Variants in BTF3L4 observed in about 807,000 individuals in gnomAD.
The protein encoded by BTF3L4 is transcription factor BTF3 homolog 4.
BTF3L4 carries 6 observed loss-of-function variants against 16.8 expected under a neutral mutation model. That is an observed-to-expected ratio of 0.36 (90% CI 0.20 to 0.71). BTF3L4 has a LOEUF of 0.71. Ranked by LOEUF, BTF3L4 falls within the 30% of genes least tolerant of loss-of-function variation. The pLI is 0.58. For missense variants in BTF3L4, 92 were observed against 186.9 expected, an observed-to-expected ratio of 0.49 and a Z score of 2.96; for synonymous variants, 39 against 59.8, an observed-to-expected ratio of 0.65 and a Z score of 1.60.
At chr1:52,070,072 C>T (rs967413923) in intron 3 of BTF3L4, among the ~76,000 whole-genome samples, 2 of 152,046 alleles carry the variant, frequency 1.3e-5, no homozygotes. Flanking sequence ...CAGAAATTAG[C>T]TGAGTGTGGT....
intron 2 of BTF3L4, among the ~76,000 whole-genome samples, chr1:52,063,629 A>T (rs1296154700): frequency 6.6e-6 from 1 of 152,240 alleles, no homozygotes; most frequent in Admixed American, 6.5e-5. Context: ...TGATCCAGGA[A>T]TCCATTATTT....
intron 2 of BTF3L4, chr1:52,060,426 A>C: frequency 2.4e-6 from 3 of 1,252,386 alleles, no homozygotes; most frequent in Non-Finnish European, 3.1e-6. Flanking sequence ...GTTCATTGCC[A>C]GGTTTTCCTC....
At chr1:52,082,148 T>A (rs1643929277) in intron 3 of BTF3L4, among the ~76,000 whole-genome samples, 1 of 152,206 alleles carries the variant, frequency 6.6e-6, no homozygotes, top group Non-Finnish European at 1.5e-5. Flanking sequence ...TTCACACATT[T>A]AACTTACACA....
At chr1:52,076,132 T>A (rs1686926124) in intron 3 of BTF3L4, among the ~76,000 whole-genome samples, 1 of 152,132 alleles carries the variant, frequency 6.6e-6, no homozygotes, top group Admixed American at 6.6e-5. Context: ...TTTTTTGTAC[T>A]TTTAGTGGTG....
At chr1:52,060,412 T>G in intron 2 of BTF3L4, 2 of 1,211,890 alleles carry the variant, frequency 1.7e-6, no homozygotes, top group Non-Finnish European at 2.2e-6. Context: ...TGATTATATA[T>G]TTTGTTCATT....
chr1:52,074,980 C>T (rs1475557199), intron 3 of BTF3L4, among the ~76,000 whole-genome samples: 1 of 151,882 alleles, frequency 6.6e-6, no homozygotes, highest in Non-Finnish European at 1.5e-5. Context: ...TGGTCTTGAA[C>T]TCTTGGCCTC....
intron 2 of BTF3L4, among the ~76,000 whole-genome samples, chr1:52,061,963 A>G (rs1257006907): frequency 3.1e-5 from 4 of 128,780 alleles, no homozygotes; most frequent in African/African-American, 6.0e-5. Context: ...TTAAGATGGA[A>G]TCTCTCTCTG....
At chr1:52,064,672 A>G (rs540698399) in intron 2 of BTF3L4, among the ~76,000 whole-genome samples, 153 bp from the exon 3 acceptor site, 2 of 152,244 alleles carry the variant, frequency 1.3e-5, no homozygotes, top group African/African-American at 2.4e-5. Context: ...TAGGCTGACA[A>G]TCACAACCTC....
rs563380094 is a variant in BTF3L4 at position 52,072,540 on chromosome 1, A to G, written c.168+7602A>G. Reference sequence around the variant, plus strand: ...CTACTTTCTATTTTATGGATTGCCTATTCTAGATGTTTCATATGAATAGAA... The same window carrying G: ...CTACTTTCTATTTTATGGATTGCCTGTTCTAGATGTTTCATATGAATAGAA... On this transcript the variant is annotated intron_variant, in intron 3 of 5. Transcript: ENST00000313334. Among the ~76,000 whole-genome samples, 8 of 152,194 alleles carry G rather than the reference A, an allele frequency of 5.3e-5. No individual in the cohort carries two copies. In the South Asian group the frequency reaches 1.7e-3, roughly 32 times the overall value.
At chr1:52,081,108 G>T (rs1044531795) in intron 3 of BTF3L4, among the ~76,000 whole-genome samples, 4 of 152,012 alleles carry the variant, frequency 2.6e-5, no homozygotes, top group Admixed American at 2.6e-4. Flanking sequence ...AAAGTGTTGG[G>T]ATTACAGGCC....
chr1:52,087,295 C>G lies in BTF3L4; in HGVS notation c.*537C>G, dbSNP rs1287668322. ...TAACTATCATATTTTTCATACACTT[C>G]TCTGGATTTAAAATATCTTGAGGTA... On this transcript the variant is annotated 3_prime_UTR_variant, in exon 6 of 6. Coordinates refer to ENST00000313334, the MANE Select transcript of BTF3L4 (RefSeq NM_152265.5). 6.6e-6 allele frequency: 1 copy of G among 152,488 alleles called. No individual in the cohort carries two copies. The highest frequency in any genetic ancestry group is 1.5e-5 in the Non-Finnish European group (1 of 68,042). The allele number at this position is 152,488 out of a possible 1,614,324, so 9.4% of individuals were successfully genotyped here.
At chr1:52,066,392 G>A (rs1686648558) in intron 3 of BTF3L4, among the ~76,000 whole-genome samples, 1 of 149,990 alleles carries the variant, frequency 6.7e-6, no homozygotes, top group African/African-American at 2.5e-5. Flanking sequence ...AGTAGAGACA[G>A]TGTTTTGCTG....
intron 5 of BTF3L4, 91 bp from the exon 6 acceptor site, chr1:52,086,621 A>T: frequency 4.1e-6 from 3 of 739,710 alleles, no homozygotes; most frequent in Non-Finnish European, 6.6e-6. Context: ...TACTAATTTT[A>T]TTTTTTCGGG....
intron 3 of BTF3L4, among the ~76,000 whole-genome samples, chr1:52,075,898 C>T (rs1686921240): frequency 1.3e-5 from 2 of 152,036 alleles, no homozygotes; most frequent in Admixed American, 1.3e-4. Context: ...CTCCTGACCT[C>T]AGGTGATCCA....
Position 52,083,479 on chromosome 1 carries a change from G to A in BTF3L4, c.308G>A (p.Ser103Asn). 1 of 1,613,576 alleles carries A rather than the reference G, an allele frequency of 6.2e-7. No individual in the cohort carries two copies. Among genetic ancestry groups the A allele is most frequent in the Admixed American group, 1.7e-5 (1 of 60,012 alleles). Residue 103 changes from serine to asparagine, a missense_variant, in exon 4 of 6, where the codon AGT becomes AAT. Ser to Asn is a conservative substitution (Grantham distance 46). Coordinates refer to ENST00000313334, the MANE Select transcript of BTF3L4 (RefSeq NM_152265.5). ...ACAGAAATGCTTCCTGGAATATTAA[G>A]TCAGCTTGGTGCTGACAGTTTAACA... ...PITEMLPGIL[S>N]QLGADSLTSL...
chr1:52,080,120 C>T (rs1033462320), intron 3 of BTF3L4, among the ~76,000 whole-genome samples: 1 of 152,090 alleles, frequency 6.6e-6, no homozygotes, highest in Non-Finnish European at 1.5e-5. Context: ...GATCCACCCG[C>T]CTCAGCCTCC....
At chr1:52,063,377 C>G (rs1225948219) in intron 2 of BTF3L4, among the ~76,000 whole-genome samples, 1 of 152,122 alleles carries the variant, frequency 6.6e-6, no homozygotes, top group Non-Finnish European at 1.5e-5. Context: ...GTCAGGAATG[C>G]TTCACAAATG....
intron 3 of BTF3L4, among the ~76,000 whole-genome samples, chr1:52,072,664 C>T (rs77644235): frequency 2.0e-5 from 3 of 152,168 alleles, no homozygotes; most frequent in South Asian, 2.1e-4. Context: ...CAGAACTTCA[C>T]GGATTTATAG....
rs1393845760 is a variant in BTF3L4 at position 52,089,913 on chromosome 1, C to T, written c.*3155C>T. ...GCCTATGAAGTTCTTATGAAAAACCCATATCTGCGATATGTTTGATTTGTT... is the reference window on the plus strand; with the variant it reads ...GCCTATGAAGTTCTTATGAAAAACCTATATCTGCGATATGTTTGATTTGTT... On this transcript the variant is annotated 3_prime_UTR_variant, in exon 6 of 6. Transcript: ENST00000313334. 6.6e-6 allele frequency: 1 copy of T among 152,088 alleles called. No homozygotes were observed. Among genetic ancestry groups the T allele is most frequent in the Non-Finnish European group, 1.5e-5 (1 of 68,028 alleles). The allele number at this position is 152,088 out of a possible 1,614,324, so 9.4% of individuals were successfully genotyped here. A position where few individuals can be genotyped will look rare whatever the true frequency, so the allele number is the denominator to read the frequency against.
Sources: gnomAD v4.1 joint callset for allele counts (sites outside exome capture counted in the v4.1 genomes callset) on GRCh38, gnomAD v4.1.1 for gene constraint, MANE v1.5 for transcripts, NCBI Gene and HGNC (gene_info 2026-07-23, HGNC 2026-07-21) for gene names.